Variants in VIRMA observed in about 807,000 individuals in gnomAD.
VIRMA encodes vir like m6A methyltransferase associated, also known as protein virilizer homolog.
In VIRMA, 65 loss-of-function variants were observed where a neutral mutation model predicts 182.4. The observed-to-expected ratio is 0.36, with a 90% CI of 0.29 to 0.44. The LOEUF (loss-of-function observed/expected upper bound fraction) is 0.44. Among genes scored for constraint, VIRMA ranks in the 20% least tolerant of loss-of-function variants. VIRMA has a pLI of 1.00. For missense variants in VIRMA, 1,752 were observed against 2,158.1 expected, an observed-to-expected ratio of 0.81 and a Z score of 3.73; for synonymous variants, 709 against 743.1, an observed-to-expected ratio of 0.95 and a Z score of 0.75.
intron 20 of VIRMA, among the ~76,000 whole-genome samples, chr8:94,494,015 T>C (rs1193251222): frequency 6.6e-6 from 1 of 152,178 alleles, no homozygotes; most frequent in Non-Finnish European, 1.5e-5. Flanking sequence ...AGCCACACCA[T>C]AGCACAACCA....
intron 15 of VIRMA, among the ~76,000 whole-genome samples, chr8:94,506,976 TC>T (rs760333038): frequency 2.6e-5 from 4 of 152,128 alleles, no homozygotes; most frequent in Admixed American, 1.3e-4. Flanking sequence ...ACAACATCTT[TC>T]AAATTTTTTT....
chr8:94,511,885 A>G, intron 12 of VIRMA, 111 bp downstream of exon 12: 1 of 674,186 alleles, frequency 1.5e-6, no homozygotes, highest in East Asian at 3.7e-5. Flanking sequence ...ATTTAAAATG[A>G]TATTTTTCAT....
intron 16 of VIRMA, among the ~76,000 whole-genome samples, chr8:94,503,135 A>C (rs1586070974): frequency 1.3e-5 from 1 of 78,618 alleles, no homozygotes; most frequent in Admixed American, 1.4e-4. Flanking sequence ...CACAGTAATA[A>C]CTGCCATATC....
chr8:94,538,920 G>T (rs899317304), intron 2 of VIRMA, among the ~76,000 whole-genome samples: 1 of 151,806 alleles, frequency 6.6e-6, no homozygotes, highest in East Asian at 1.9e-4. Flanking sequence ...CTTCTTTTTA[G>T]AGACAGAGTC....
At chr8:94,500,634 T>C (rs1382334840) in intron 16 of VIRMA, among the ~76,000 whole-genome samples, 1 of 150,080 alleles carries the variant, frequency 6.7e-6, no homozygotes, top group Non-Finnish European at 1.5e-5. Context: ...ATCTCTACTT[T>C]GGAAAACAGT....
intron 11 of VIRMA, among the ~76,000 whole-genome samples, chr8:94,513,772 T>C (rs1007152736): frequency 1.5e-4 from 23 of 152,286 alleles, no homozygotes; most frequent in Admixed American, 9.2e-4. Flanking sequence ...TACATGACCA[T>C]CTAAATTTAC....
At chr8:94,540,595 G>A (rs147588874) in intron 2 of VIRMA, among the ~76,000 whole-genome samples, 35 of 151,492 alleles carry the variant, frequency 2.3e-4, no homozygotes, top group African/African-American at 8.5e-4. Flanking sequence ...CCAAGTAGCT[G>A]AGACTACAGG....
chr8:94,496,560 G>A lies in VIRMA; in HGVS notation c.4231-80C>T, dbSNP rs571390792. On this transcript the variant is annotated intron_variant, in intron 17 of 23. Coordinates refer to ENST00000297591, the MANE Select transcript of VIRMA (RefSeq NM_015496.5). ...ATCCACACTTATTCATATTATCTAA[G>A]CCATATGCTGCAATCTTTCCTTCAA... 18 of 1,098,660 alleles carry A rather than the reference G, an allele frequency of 1.6e-5. No individual in the cohort carries two copies. In the African/African-American group the frequency reaches 2.4e-4, roughly 14 times the overall value. 68.1% of individuals were successfully genotyped at this position (1,098,660 alleles called of 1,614,324 possible).
chr8:94,546,890 T>C (rs1815787833), intron 1 of VIRMA: 1 of 455,604 alleles, frequency 2.2e-6, no homozygotes, highest in Non-Finnish European at 4.4e-6. Flanking sequence ...CTAGGTCTTA[T>C]AAACAAGACT....
At chr8:94,492,567 C>T (rs921617824) in intron 21 of VIRMA, 85 bp downstream of exon 21, 18 of 1,243,682 alleles carry the variant, frequency 1.4e-5, no homozygotes, top group East Asian at 2.4e-5. Context: ...CCACCGCGCT[C>T]GGCCGCATGT....
At chr8:94,502,820 A>C (rs1814039298) in intron 16 of VIRMA, among the ~76,000 whole-genome samples, 1 of 152,194 alleles carries the variant, frequency 6.6e-6, no homozygotes, top group African/African-American at 2.4e-5. Flanking sequence ...AACGTTCTGC[A>C]CATGTATCCC....
intron 17 of VIRMA, chr8:94,499,078 CTAAAATAAAA>C (rs149423796): frequency 6.0e-5 from 10 of 166,626 alleles, no homozygotes; most frequent in African/African-American, 1.2e-4. Flanking sequence ...GAGACTCTAT[CTAAAATAAAA>C]TAAAATAAAA....
chr8:94,543,996 G>A (rs2130389497), intron 1 of VIRMA, 54 bp from the exon 2 acceptor site: 1 of 847,580 alleles, frequency 1.2e-6, no homozygotes, highest in African/African-American at 1.7e-5. Flanking sequence ...ATGTAAAACA[G>A]TTTCTCTATT....
intron 16 of VIRMA, among the ~76,000 whole-genome samples, chr8:94,502,273 G>C (rs1177678522): frequency 1.3e-5 from 2 of 151,984 alleles, no homozygotes; most frequent in Admixed American, 6.6e-5. Context: ...GGGAGGCGAA[G>C]GCTGCAGTGA....
chr8:94,505,331 C>T (rs750758606), intron 16 of VIRMA, among the ~76,000 whole-genome samples: 7 of 152,130 alleles, frequency 4.6e-5, no homozygotes, highest in Admixed American at 2.0e-4. Context: ...ATCTCATAAT[C>T]CCATGTAGTT....
rs1815670724 is a variant in VIRMA, at chr8:94,543,961, CGGAGGG to C, written c.64-25_64-20del. 1 of 1,368,014 alleles carries C rather than the reference CGGAGGG, an allele frequency of 7.3e-7. No individual in the cohort carries two copies. The highest frequency in any genetic ancestry group is 2.3e-5 in the East Asian group (1 of 43,728). 84.7% of individuals were successfully genotyped at this position (1,368,014 alleles called of 1,614,324 possible). A position where few individuals can be genotyped will look rare whatever the true frequency, so the allele number is the denominator to read the frequency against. On this transcript the variant is annotated intron_variant, in intron 1 of 23. Transcript: ENST00000297591. ...AACTTTGCTGTAACAAAAAAAAAGC[CGGAGGG>C]GGAGGGGTTCGGAACATTATGTAAA... is the stretch of plus-strand genomic sequence containing the variant.
At chr8:94,552,587 C>A (rs1375071916) in intron 1 of VIRMA, among the ~76,000 whole-genome samples, 1 of 151,432 alleles carries the variant, frequency 6.6e-6, no homozygotes. Flanking sequence ...TTAACAATTT[C>A]TCCGTAGACT....
intron 1 of VIRMA, among the ~76,000 whole-genome samples, chr8:94,552,762 T>G (rs1247822151): frequency 6.6e-6 from 1 of 152,222 alleles, no homozygotes; most frequent in African/African-American, 2.4e-5. Context: ...AGATGTCTGC[T>G]GATGAGTTTA....
At position 94,517,849 on chromosome 8, in the gene VIRMA, T is replaced by C. The variant is rs766934690; in HGVS notation, c.2607A>G (p.Glu869=). The C allele has an allele frequency of 1.2e-6, 2 of 1,613,056 alleles. No homozygotes were observed. The highest frequency in any genetic ancestry group is 3.3e-5 in the Admixed American group (2 of 59,992). Residue 869 remains glutamate (E), a synonymous_variant, in exon 10 of 24, where the codon GAA becomes GAG. Transcript: ENST00000297591. ...VQSSSDVQML[E]QHAASLLKLC... is the part of the protein sequence containing the mutation. ...GCTTCAAGAGAGATGCTGCATGTTG[T>C]TCTAGCATTTGAACATCACTGGAAG...
Sources: gnomAD v4.1 joint callset for allele counts (sites outside exome capture counted in the v4.1 genomes callset) on GRCh38, gnomAD v4.1.1 for gene constraint, MANE v1.5 for transcripts, NCBI Gene and HGNC (gene_info 2026-07-23, HGNC 2026-07-21) for gene names.